The following PCNX1 variants were observed in gnomAD, a reference collection of about 807,000 sequenced individuals.
PCNX1 encodes pecanex 1, also known as pecanex-like protein 1.
Under a neutral mutation model 242.2 loss-of-function variants are expected in PCNX1, and 78 were observed. The observed-to-expected ratio is 0.32, with a 90% CI of 0.27 to 0.39. The LOEUF (loss-of-function observed/expected upper bound fraction) is 0.39. PCNX1 is among the 10% of genes least tolerant of loss of function. The pLI, the probability that PCNX1 is intolerant of heterozygous loss-of-function variation, is 1.00. For synonymous variants in PCNX1, 1,024 were observed against 1,032.9 expected (o/e 0.99, Z 0.17); for missense variants, 2,581 against 2,856.5 (o/e 0.90, Z 2.20).
chr14:71,015,532 G>A (rs998467891), intron 11 of PCNX1, among the ~76,000 whole-genome samples: 6 of 152,074 alleles, frequency 3.9e-5, no homozygotes, highest in South Asian at 2.1e-4. Context: ...TAGGCTGGAC[G>A]CCGTGGTAAT....
chr14:70,922,875 G>A (rs1187222436), intron 1 of PCNX1, among the ~76,000 whole-genome samples: 4 of 151,450 alleles, frequency 2.6e-5, no homozygotes, highest in Non-Finnish European at 5.9e-5. Context: ...TGGGTCAAAC[G>A]GTATGCACAT....
intron 6 of PCNX1, among the ~76,000 whole-genome samples, chr14:70,985,254 G>A (rs1249350069): frequency 6.6e-6 from 1 of 151,972 alleles, no homozygotes; most frequent in Non-Finnish European, 1.5e-5. Context: ...CACTCTTGTT[G>A]CCTAGGCTGG....
intron 13 of PCNX1, 117 bp downstream of exon 13, chr14:71,023,349 A>G: frequency 2.8e-6 from 2 of 721,382 alleles, no homozygotes; most frequent in East Asian, 2.5e-5. Flanking sequence ...ACTAAAATTT[A>G]TGTTATTATT....
intron 2 of PCNX1, among the ~76,000 whole-genome samples, chr14:70,957,007 T>TTAC: frequency 6.6e-6 from 1 of 151,688 alleles, no homozygotes; most frequent in South Asian, 2.1e-4. Flanking sequence ...ATTATTATTA[T>TTAC]TATTTTGAGA....
chr14:70,962,904 T>G (rs147205546), intron 3 of PCNX1, among the ~76,000 whole-genome samples: 1 of 152,358 alleles, frequency 6.6e-6, no homozygotes, highest in African/African-American at 2.4e-5. Context: ...CAGTTACTCC[T>G]GCTGTCCTTC....
intron 33 of PCNX1, among the ~76,000 whole-genome samples, chr14:71,106,785 T>G (rs1485685112): frequency 6.6e-6 from 1 of 152,178 alleles, no homozygotes; most frequent in Non-Finnish European, 1.5e-5. Flanking sequence ...TTGCCTATTT[T>G]TCTATTTGGT....
At chr14:71,071,800 G>C (rs1010726987) in intron 26 of PCNX1, among the ~76,000 whole-genome samples, 14 of 152,090 alleles carry the variant, frequency 9.2e-5, no homozygotes, top group African/African-American at 2.9e-4. Flanking sequence ...CTTATTTCTA[G>C]CATTTGATTT....
chr14:71,058,766 A>C (rs930992199), intron 26 of PCNX1, among the ~76,000 whole-genome samples: 9 of 152,212 alleles, frequency 5.9e-5, no homozygotes, highest in African/African-American at 1.9e-4. Context: ...CAGCACTCAA[A>C]TTAATGCGGA....
At chr14:70,983,582 C>T (rs566859102) in intron 6 of PCNX1, among the ~76,000 whole-genome samples, 56 of 151,786 alleles carry the variant, frequency 3.7e-4, no homozygotes, top group African/African-American at 1.3e-3. Flanking sequence ...GGATTACAGG[C>T]GTGAGCCACC....
intron 6 of PCNX1, among the ~76,000 whole-genome samples, chr14:70,982,097 TTA>T (rs2058856600): frequency 1.3e-5 from 2 of 152,198 alleles, no homozygotes; most frequent in South Asian, 4.1e-4. Context: ...CAATAAAAAT[TTA>T]TGAGGGTTTG....
chr14:71,008,655 C>CAAAAAAA (rs777494885), intron 8 of PCNX1, among the ~76,000 whole-genome samples: 1 of 32,758 alleles, frequency 3.1e-5, no homozygotes, highest in African/African-American at 7.9e-5. Context: ...GACTCTGTCT[C>CAAAAAAA]AAAAAAAAAA....
Position 71,108,811 on chromosome 14 carries a change from C to G in PCNX1, c.6509C>G (p.Ser2170Trp), listed in dbSNP as rs867124221. The change falls in exon 34 of 36, where the codon TCG becomes TGG. Residue 2170 changes from serine (S) to tryptophan (W), a missense_variant. Physicochemically the swap from Ser to Trp is radical, Grantham distance 177 (BLOSUM62 -3). Around this residue, in one of 9 missense-constraint regions of PCNX1, gnomAD observed 432 missense variants for 433.6 expected, o/e 1.00. Coordinates refer to ENST00000304743, the MANE Select transcript of PCNX1 (RefSeq NM_014982.3). The part of the protein sequence containing the change: ...NLPSSIQSRL[S>W]MVNQMEPSGQ... ...CCATCATCCATCCAATCCCGACTGT[C>G]GATGGTGAACCAAATGGAACCCTCA... 4 of 1,614,130 alleles carry G rather than the reference C, an allele frequency of 2.5e-6. No individual in the cohort carries two copies. In the South Asian group the frequency reaches 3.3e-5, roughly 13 times the overall value.
chr14:71,020,593 C>G (rs1393962208), intron 12 of PCNX1, among the ~76,000 whole-genome samples: 1 of 152,182 alleles, frequency 6.6e-6, no homozygotes, highest in Non-Finnish European at 1.5e-5. Flanking sequence ...AGTGTCTGTT[C>G]ATATCCTTCA....
rs764152377 is a variant in PCNX1 at position 71,033,556 on chromosome 14, T to C, written c.3668+18T>C. 9 of 1,277,030 alleles carry C rather than the reference T, an allele frequency of 7.0e-6. No homozygotes were observed. The South Asian group carries it at 1.1e-4, about 16-fold the overall frequency. 79.1% of individuals were successfully genotyped at this position (1,277,030 alleles called of 1,614,324 possible). On this transcript the variant is annotated intron_variant, in intron 17 of 35. Transcript: ENST00000304743. The stretch of plus-strand genomic sequence containing the variant: ...GTACTTTTGTAAGTGAACTCAATTG[T>C]TATTGAATTAAAAGAAATTTAAGTA...
In PCNX1 at chr14:71,064,290, C is replaced by T. The variant is rs139206334; in HGVS notation, c.4852+6566C>T. Reference sequence around the variant, plus strand: ...TTATTAATATTGCTATAATTATTGACTTCATTTTCTGAGCAAAATATATTA... The same window carrying T: ...TTATTAATATTGCTATAATTATTGATTTCATTTTCTGAGCAAAATATATTA... On this transcript the variant is annotated intron_variant, in intron 26 of 35. Transcript: ENST00000304743. Among the ~76,000 whole-genome samples, 1,114 of 152,104 alleles carry T rather than the reference C, an allele frequency of 7.3e-3. 8 individuals carry two copies. The highest frequency in any genetic ancestry group is 0.01 in the Non-Finnish European group (700 of 67,994).
intron 26 of PCNX1, among the ~76,000 whole-genome samples, chr14:71,060,948 A>G (rs2061311367): frequency 6.6e-6 from 1 of 152,220 alleles, no homozygotes; most frequent in Non-Finnish European, 1.5e-5. Flanking sequence ...TATTTATTGC[A>G]TAATGTGAAA....
intron 1 of PCNX1, among the ~76,000 whole-genome samples, chr14:70,939,227 G>T (rs190737125): frequency 6.6e-6 from 1 of 152,086 alleles, no homozygotes; most frequent in Non-Finnish European, 1.5e-5. Flanking sequence ...TGATGTTAGG[G>T]TGTCAATTTT....
rs148389484 is a variant in PCNX1, at chr14:71,100,766, C to A, written c.5590-1224C>A. Among the ~76,000 whole-genome samples the A allele has an allele frequency of 1.3e-4, 20 of 152,206 alleles. No individual in the cohort carries two copies. The East Asian group carries it at 3.9e-3, about 29-fold the overall frequency. ...TGGTTGCTTTACATAATCCCGTATT[C>A]CTCAAAGACTCTCTTCATTTCTTTT... On this transcript the variant is annotated intron_variant, in intron 30 of 35. Transcript: ENST00000304743.
Position 71,111,468 on chromosome 14 carries a change from C to T in PCNX1, c.*1533C>T, listed in dbSNP as rs1473347854. 6.6e-6 allele frequency: 1 copy of T among 152,428 alleles called. No individual in the cohort carries two copies. Among genetic ancestry groups the T allele is most frequent in the East Asian group, 1.9e-4 (1 of 5,202 alleles). The allele number at this position is 152,428 out of a possible 1,614,324, so 9.4% of individuals were successfully genotyped here. A position where few individuals can be genotyped will look rare whatever the true frequency, so the allele number is the denominator to read the frequency against. ...CAGTATAGTCAAAGTATTACTATTT[C>T]ATCATATGTCACTAGCCATATTTCA... On this transcript the variant is annotated 3_prime_UTR_variant, in exon 36 of 36. Coordinates refer to ENST00000304743, the MANE Select transcript of PCNX1 (RefSeq NM_014982.3).
Sources: allele counts gnomAD v4.1 joint callset (sites outside exome capture counted in the v4.1 genomes callset), GRCh38; gene constraint gnomAD v4.1.1; regional missense constraint gnomAD v4.1.1; transcripts MANE v1.5; gene names NCBI Gene and HGNC (gene_info 2026-07-23, HGNC 2026-07-21).